ASPH: variants seen among roughly 807,000 people sequenced by gnomAD.
ASPH encodes aspartyl/asparaginyl beta-hydroxylase.
A neutral mutation model predicts 118.4 loss-of-function variants in ASPH; 100 were observed. That is an observed-to-expected ratio of 0.84 (90% CI 0.72 to 1.00). The LOEUF (loss-of-function observed/expected upper bound fraction) is 1.00, where lower values mean the gene tolerates loss of function less well. Among genes scored for constraint, ASPH ranks in the 50% least tolerant of loss-of-function variants. The probability of loss-of-function intolerance (pLI) is 0.00; values close to 1 mark genes in which losing one functional copy is unlikely to be tolerated. For synonymous variants in ASPH, 315 were observed against 325.6 expected, an observed-to-expected ratio of 0.97 and a Z score of 0.35; for missense variants, 920 against 919.5, an observed-to-expected ratio of 1.00 and a Z score of -0.01.
At chr8:61,617,026 A>C (rs1159125641) in intron 14 of ASPH, among the ~76,000 whole-genome samples, 1 of 152,208 alleles carries the variant, frequency 6.6e-6, no homozygotes, top group Non-Finnish European at 1.5e-5. Flanking sequence ...TTAAGTTTGA[A>C]GTGATTATTA....
chr8:61,663,246 G>A (rs748296151), intron 3 of ASPH: 13 of 985,270 alleles, frequency 1.3e-5, no homozygotes, highest in Non-Finnish European at 1.4e-5. Flanking sequence ...AAGTTTGAGT[G>A]GGACCCACTC....
intron 12 of ASPH, 94 bp downstream of exon 12, chr8:61,637,853 A>G (rs1436084023): frequency 1.6e-6 from 2 of 1,251,674 alleles, no homozygotes; most frequent in Non-Finnish European, 2.3e-6. Flanking sequence ...TATGCACTGT[A>G]TAGACAGCAA....
At chr8:61,689,768 G>A in intron 1 of ASPH, 1 of 1,525,574 alleles carries the variant, frequency 6.6e-7, no homozygotes, top group Non-Finnish European at 8.8e-7. Context: ...CTGCTGGCAG[G>A]TTTTAGGCAC....
chr8:61,597,291 T>C (rs753612833), intron 14 of ASPH, among the ~76,000 whole-genome samples: 2 of 151,234 alleles, frequency 1.3e-5, no homozygotes, highest in African/African-American at 2.4e-5. Context: ...CTGAGGCATA[T>C]GCATCGCTTG....
intron 1 of ASPH, among the ~76,000 whole-genome samples, chr8:61,702,126 T>C (rs955660766): frequency 6.6e-6 from 1 of 152,024 alleles, no homozygotes; most frequent in African/African-American, 2.4e-5. Context: ...AAATATAACA[T>C]AGCAAACCTA....
In ASPH at chr8:61,587,637, G is replaced by A. The variant is rs548580486; in HGVS notation, c.977-3608C>T. On this transcript the variant is annotated intron_variant, in intron 14 of 24. Coordinates refer to ENST00000379454, the MANE Select transcript of ASPH (RefSeq NM_004318.4). ...GAGCAATGCTGTATCTTAGTGTCAC[G>A]ATATTTCAATAACAGCACTAAAATA... 1.1e-4 allele frequency among the ~76,000 whole-genome samples: 17 copies of A among 152,240 alleles called. No individual in the cohort carries two copies. In the East Asian group the frequency reaches 3.3e-3, roughly 29 times the overall value.
chr8:61,556,120 T>G, intron 18 of ASPH, 98 bp from the exon 19 acceptor site: 4 of 948,348 alleles, frequency 4.2e-6, no homozygotes, highest in Non-Finnish European at 6.4e-6. Context: ...TTAATTAGCT[T>G]TGTTGTACTT....
intron 3 of ASPH, among the ~76,000 whole-genome samples, chr8:61,674,930 G>A (rs1589047029): frequency 6.6e-6 from 1 of 152,058 alleles, no homozygotes; most frequent in Non-Finnish European, 1.5e-5. Context: ...TTAAAACCAC[G>A]GAACATCACT....
chr8:61,655,754 A>G (rs1246763869), intron 3 of ASPH, among the ~76,000 whole-genome samples: 1 of 152,206 alleles, frequency 6.6e-6, no homozygotes, highest in Non-Finnish European at 1.5e-5. Context: ...AAAAGCACAG[A>G]GCAAAAAATA....
intron 14 of ASPH, among the ~76,000 whole-genome samples, chr8:61,585,571 C>G (rs926926119): frequency 7.7e-6 from 1 of 129,330 alleles, no homozygotes; most frequent in Non-Finnish European, 1.8e-5. Context: ...CTCTCAGCAT[C>G]TCTCGTGTGC....
intron 21 of ASPH, among the ~76,000 whole-genome samples, chr8:61,533,584 G>A (rs1307891957): frequency 6.6e-6 from 1 of 152,172 alleles, no homozygotes; most frequent in Non-Finnish European, 1.5e-5. Context: ...TGTCTGACAG[G>A]CCTCCATGTT....
intron 14 of ASPH, among the ~76,000 whole-genome samples, chr8:61,612,101 C>G (rs949283712): frequency 2.0e-5 from 3 of 148,760 alleles, no homozygotes; most frequent in Admixed American, 6.7e-5. Context: ...TAGAAAAATA[C>G]TTCAAATTGT....
At chr8:61,544,937 C>A (rs950450406) in intron 21 of ASPH, among the ~76,000 whole-genome samples, 1 of 152,010 alleles carries the variant, frequency 6.6e-6, no homozygotes. Context: ...AAGGAATTGG[C>A]TGTGAAGGAT....
At chr8:61,559,814 T>C (rs1040648042) in intron 18 of ASPH, among the ~76,000 whole-genome samples, 2 of 152,158 alleles carry the variant, frequency 1.3e-5, no homozygotes, top group Non-Finnish European at 2.9e-5. Context: ...GGCATTTGCT[T>C]GAACATTTTA....
At chr8:61,687,902 A>G (rs908894863) in intron 1 of ASPH, among the ~76,000 whole-genome samples, 13 of 152,182 alleles carry the variant, frequency 8.5e-5, no homozygotes, top group African/African-American at 2.7e-4. Context: ...TACTGTTGAT[A>G]TTTACTAGTT....
intron 3 of ASPH, among the ~76,000 whole-genome samples, chr8:61,655,584 G>A (rs566921589): frequency 1.1e-4 from 17 of 152,102 alleles, no homozygotes; most frequent in Non-Finnish European, 1.5e-4. Context: ...AATGAGTTTT[G>A]AAGTTTCATT....
chr8:61,680,844 A>G, intron 3 of ASPH, 124 bp downstream of exon 3: 1 of 679,518 alleles, frequency 1.5e-6, no homozygotes, highest in Non-Finnish European at 2.3e-6. Context: ...GTAATGAAAT[A>G]TATGATTTAA....
intron 3 of ASPH, chr8:61,656,500 T>A (rs1347693227): frequency 6.6e-6 from 1 of 152,156 alleles, no homozygotes; most frequent in Non-Finnish European, 1.5e-5. Flanking sequence ...CCCTTTTCAG[T>A]GTTAATCATC....
chr8:61,581,895 G>C (rs1053618518), intron 15 of ASPH, among the ~76,000 whole-genome samples: 25 of 152,144 alleles, frequency 1.6e-4, no homozygotes, highest in African/African-American at 6.0e-4. Flanking sequence ...TTTTAAAATA[G>C]AGGATTGGAA....
Sources: allele counts gnomAD v4.1 joint callset (sites outside exome capture counted in the v4.1 genomes callset), GRCh38; gene constraint gnomAD v4.1.1; transcripts MANE v1.5; gene names NCBI Gene and HGNC (gene_info 2026-07-23, HGNC 2026-07-21).